POLD1: variants seen among roughly 807,000 people sequenced by gnomAD.
POLD1 encodes DNA polymerase delta catalytic subunit.
Under a neutral mutation model 129.7 loss-of-function variants are expected in POLD1, and 79 were observed. The ratio of observed to expected loss-of-function variants is 0.61; its 90% CI spans 0.51 to 0.73. The LOEUF (loss-of-function observed/expected upper bound fraction) is 0.73, where lower values mean the gene tolerates loss of function less well. Ranked by LOEUF, POLD1 falls within the 30% of genes least tolerant of loss-of-function variation. POLD1 has a pLI of 0.00. For synonymous variants in POLD1, 714 were observed against 683.3 expected (o/e 1.04, Z -0.70); for missense variants, 1,338 against 1,595.8 (o/e 0.84, Z 2.75).
rs766467152 is a variant in POLD1 at position 50,403,151 on chromosome 19, C to A, written c.1069C>A (p.Leu357Met). Residue 357 changes from leucine to methionine, a missense_variant, in exon 9 of 27, where the codon CTG (leucine) becomes ATG (methionine). Physicochemically the swap from Leu to Met is conservative, Grantham distance 15. Around this residue, in one of 3 missense-constraint regions of POLD1, gnomAD observed 720 missense variants for 1,002.6 expected, o/e 0.72. Coordinates refer to ENST00000440232, the MANE Select transcript of POLD1 (RefSeq NM_002691.4). Reference protein sequence around the residue: ...PEPFLRLALTLRPCAPILGAK... With the variant: ...PEPFLRLALTMRPCAPILGAK... ...GCCCTTCCTACGCCTGGCGCTCACC[C>A]TGCGGCCCTGTGCCCCCATCCTGGG... is the stretch of plus-strand genomic sequence containing the variant. 1 of 1,560,958 alleles carries A rather than the reference C, an allele frequency of 6.4e-7. No homozygotes were observed. Among genetic ancestry groups the A allele is most frequent in the Non-Finnish European group, 8.7e-7 (1 of 1,152,304 alleles).
At position 50,393,703 on chromosome 19, in the gene POLD1, G is replaced by C. The variant is rs544403064; in HGVS notation, c.-1-5148G>C. 2.0e-5 allele frequency among the ~76,000 whole-genome samples: 3 copies of C among 152,236 alleles called. No individual in the cohort carries two copies. The South Asian group carries it at 6.2e-4, about 32-fold the overall frequency. ...AAGTAATAATAAAGCAAAGAATTCA[G>C]TTGGTACGTTCACAGTGTTGTACAA... is the stretch of plus-strand genomic sequence containing the variant. On this transcript the variant is annotated intron_variant, in intron 1 of 26. Transcript: ENST00000440232.
intron 3 of POLD1, among the ~76,000 whole-genome samples, chr19:50,401,355 T>TGTGTATG (rs1568617748): frequency 8.1e-6 from 1 of 123,776 alleles, no homozygotes; most frequent in African/African-American, 3.4e-5. Context: ...GTGTGTGTAT[T>TGTGTATG]TGTGTATATG....
chr19:50,401,379 ATATATATATATATTTTT>A (rs1358605311), intron 3 of POLD1, among the ~76,000 whole-genome samples: 3 of 55,076 alleles, frequency 5.4e-5, no homozygotes, highest in African/African-American at 1.7e-4. Flanking sequence ...ATATATATAT[ATATATATATATATTTTT>A]TTTTTTTTTT....
rs567357678 is a variant in POLD1 at position 50,405,190 on chromosome 19, T to A, written c.1243-992T>A. 7.9e-5 allele frequency among the ~76,000 whole-genome samples: 12 copies of A among 152,262 alleles called. No homozygotes were observed. The South Asian group carries it at 2.3e-3, about 29-fold the overall frequency. ...CCTCTCAAAGTGCTGGGATTACAGG[T>A]GTGAGCCAGTGCACCTAGCCCACAT... On this transcript the variant is annotated intron_variant, in intron 10 of 26. Coordinates refer to ENST00000440232, the MANE Select transcript of POLD1 (RefSeq NM_002691.4).
chr19:50,391,265 G>T (rs1313673902), intron 1 of POLD1, among the ~76,000 whole-genome samples: 3 of 151,964 alleles, frequency 2.0e-5, no homozygotes, highest in African/African-American at 7.3e-5. Flanking sequence ...GGGCGGCCAG[G>T]CAGAGATGCT....
chr19:50,391,939 TCTC>T (rs1439765132), intron 1 of POLD1, among the ~76,000 whole-genome samples: 1 of 151,986 alleles, frequency 6.6e-6, no homozygotes, highest in African/African-American at 2.4e-5. Flanking sequence ...CTGGTCTTAA[TCTC>T]CTGACCTCAG....
At chr19:50,403,333 T>TCTGTGGGTCTGGGTGGGCCC (rs2038738937) in intron 9 of POLD1, 114 bp downstream of exon 9, 2 of 1,206,722 alleles carry the variant, frequency 1.7e-6, no homozygotes, top group African/African-American at 3.0e-5. Context: ...TGGGTGGGTG[T>TCTGTGGGTCTGGGTGGGCCC]CTGTGGGTCT....
chr19:50,405,259 C>G (rs1448362759), intron 10 of POLD1, among the ~76,000 whole-genome samples: 1 of 152,168 alleles, frequency 6.6e-6, no homozygotes, highest in African/African-American at 2.4e-5. Context: ...AGGGCCCACC[C>G]CAGTGACCTC....
intron 17 of POLD1, among the ~76,000 whole-genome samples, chr19:50,411,513 C>A (rs2039087012): frequency 6.6e-6 from 1 of 152,204 alleles, no homozygotes. Flanking sequence ...TTCTGTCTCT[C>A]AAGCTTATGG....
Position 50,402,276 on chromosome 19 carries a change from GC to G in POLD1, c.665del (p.Pro222ArgfsTer54). On this transcript the variant is annotated frameshift_variant, in exon 6 of 27. Transcript: ENST00000440232. LOFTEE classifies it high-confidence loss of function. ...RITVALPRLV[A>X]PARRLLEQGI... ...CACCGTGGCGCTGCCGCGCCTCGTG[GC>G]CCCGGCCCGCCGTCTCCTGGAACAG... The G allele has an allele frequency of 1.2e-6, 2 of 1,606,856 alleles. No individual in the cohort carries two copies. The highest frequency in any genetic ancestry group is 1.7e-5 in the Admixed American group (1 of 59,404).
At chr19:50,410,152 C>A (rs966817763) in intron 17 of POLD1, among the ~76,000 whole-genome samples, 1 of 152,202 alleles carries the variant, frequency 6.6e-6, no homozygotes, top group African/African-American at 2.4e-5. Context: ...TCCCGGTCTG[C>A]CTACCCACGG....
At chr19:50,396,344 T>C (rs1601182379) in intron 1 of POLD1, among the ~76,000 whole-genome samples, 2 of 151,148 alleles carry the variant, frequency 1.3e-5, no homozygotes, top group East Asian at 3.9e-4. Context: ...CCGCCTCAGC[T>C]TCCCAAAGTG....
In POLD1 at chr19:50,415,477, C is replaced by A. The variant is rs1060504365; in HGVS notation, c.2604C>A (p.Ile868=). ...CGGTGGCTCACGCACAGGACGTCAT[C>A]TCGGACCTGCTGTGCAACCGCATCG... The part of the protein sequence containing the change: ...EGAVAHAQDV[I]SDLLCNRIDI... The change falls in exon 21 of 27, where the codon ATC becomes ATA. Residue 868 remains isoleucine (I), a synonymous_variant. Coordinates refer to ENST00000440232, the MANE Select transcript of POLD1 (RefSeq NM_002691.4). The A allele has an allele frequency of 1.2e-6, 2 of 1,613,102 alleles. No homozygotes were observed. Among genetic ancestry groups the A allele is most frequent in the African/African-American group, 1.3e-5 (1 of 74,934 alleles).
intron 1 of POLD1, among the ~76,000 whole-genome samples, chr19:50,396,917 G>T (rs1307480619): frequency 6.7e-6 from 1 of 150,228 alleles, no homozygotes; most frequent in Non-Finnish European, 1.5e-5. Flanking sequence ...CCAACATGGC[G>T]AAACCCTGTC....
At position 50,415,765 on chromosome 19, in the gene POLD1, A is replaced by G. The variant is rs779041717; in HGVS notation, c.2759A>G (p.Asp920Gly). ...CCCGGGAGTGCGCCCAGCCTGGGCG[A>G]CCGCGTCCCCTACGTGATCATCAGT... Reference protein sequence around the residue: ...RDPGSAPSLGDRVPYVIISAA... With the variant: ...RDPGSAPSLGGRVPYVIISAA... The change falls in exon 22 of 27, where the codon GAC becomes GGC. Residue 920 changes from aspartate (D) to glycine (G), a missense_variant. This residue lies in a region of POLD1 where 286 missense variants were observed against 277.5 expected (regional missense o/e 1.03). Transcript: ENST00000440232. 4 of 1,550,128 alleles carry G rather than the reference A, an allele frequency of 2.6e-6. No individual in the cohort carries two copies. Among genetic ancestry groups the G allele is most frequent in the Admixed American group, 3.7e-5 (2 of 53,482 alleles).
At chr19:50,416,986 A>T in intron 24 of POLD1, 59 bp from the exon 25 acceptor site, 1 of 1,501,280 alleles carries the variant, frequency 6.7e-7, no homozygotes, top group Non-Finnish European at 9.0e-7. Flanking sequence ...GTGGGCAGGG[A>T]TGGGGTGGCC....
At chr19:50,398,075 G>A (rs191888526) in intron 1 of POLD1, among the ~76,000 whole-genome samples, 112 of 152,262 alleles carry the variant, frequency 7.4e-4, no homozygotes, top group Admixed American at 5.0e-3. Flanking sequence ...AGAGAGAGGC[G>A]GTGAGAGAGC....
chr19:50,387,009 G>A (rs2037994351), intron 1 of POLD1, among the ~76,000 whole-genome samples: 2 of 150,794 alleles, frequency 1.3e-5, no homozygotes, highest in South Asian at 4.2e-4. Context: ...TGGCTAACAC[G>A]GTGAAACCCC....
chr19:50,398,997 G>A lies in POLD1; in HGVS notation c.146G>A (p.Arg49Lys), dbSNP rs572732092. Reference sequence around the variant, plus strand: ...ATGGAGGAGATGGAGGCAGAACACAGGCTGCAGGAGCAGGAGGAGGAGGAG... The same window carrying A: ...ATGGAGGAGATGGAGGCAGAACACAAGCTGCAGGAGCAGGAGGAGGAGGAG... ...ALMEEMEAEH[R>K]LQEQEEEELQ... Residue 49 changes from arginine to lysine, a missense_variant, in exon 2 of 27, where the codon AGG (arginine) becomes AAG (lysine). Transcript: ENST00000440232. 6.4e-7 allele frequency: 1 copy of A among 1,566,886 alleles called. No individual in the cohort carries two copies. Among genetic ancestry groups the A allele is most frequent in the East Asian group, 2.3e-5 (1 of 42,938 alleles).
Sources: allele counts gnomAD v4.1 joint callset (sites outside exome capture counted in the v4.1 genomes callset), GRCh38; gene constraint gnomAD v4.1.1; regional missense constraint gnomAD v4.1.1; transcripts MANE v1.5; gene names NCBI Gene and HGNC (gene_info 2026-07-23, HGNC 2026-07-21).